EPG5: variants seen among roughly 807,000 people sequenced by gnomAD.
EPG5 encodes ectopic P-granules 5 autophagy tethering factor, also known as ectopic P granules protein 5 homolog.
A neutral mutation model predicts 302.7 loss-of-function variants in EPG5; 159 were observed. The observed-to-expected ratio is 0.53, with a 90% CI of 0.46 to 0.60. The LOEUF is 0.60. Among genes scored for constraint, EPG5 ranks in the 20% least tolerant of loss-of-function variants. The pLI is 0.00. For synonymous variants in EPG5, 1,158 were observed against 1,136.8 expected (o/e 1.02, Z -0.37); for missense variants, 2,896 against 3,092.4 (o/e 0.94, Z 1.51).
chr18:45,840,845 T>C, the EPG5 span: 2 of 152,004 alleles, frequency 1.3e-5, no homozygotes, highest in South Asian at 2.1e-4. Flanking sequence ...GCCACACTGC[T>C]GGTGGCCCCA....
At chr18:45,943,851 G>A (rs1271016415) in intron 8 of EPG5, among the ~76,000 whole-genome samples, 154 bp downstream of exon 8, 1 of 151,978 alleles carries the variant, frequency 6.6e-6, no homozygotes, top group Non-Finnish European at 1.5e-5. Flanking sequence ...AACCTGGGAG[G>A]CAGAGCTTGC....
the EPG5 span, among the ~76,000 whole-genome samples, chr18:45,822,729 G>A: frequency 2.0e-5 from 3 of 152,130 alleles, no homozygotes; most frequent in South Asian, 6.2e-4. Flanking sequence ...ATTTTTAAAA[G>A]AATATCTATT....
chr18:45,913,597 A>G, intron 21 of EPG5, 109 bp downstream of exon 21: 6 of 1,358,110 alleles, frequency 4.4e-6, no homozygotes, highest in Middle Eastern at 3.8e-4. Flanking sequence ...GAGCTTTCCA[A>G]ACATTCACAA....
Position 45,939,729 on chromosome 18 carries a change from T to C in EPG5, c.1970A>G (p.His657Arg), listed in dbSNP as rs1876122568. 3 of 1,613,814 alleles carry C rather than the reference T, an allele frequency of 1.9e-6. No homozygotes were observed. Among genetic ancestry groups the C allele is most frequent in the African/African-American group, 1.3e-5 (1 of 74,926 alleles). ...IRMTLGYVSDHWAQYVSHNQG... is the reference protein window; with the variant it reads ...IRMTLGYVSDRWAQYVSHNQG... ...GTTATGGCTCACATACTGTGCCCAA[T>C]GGTCACTTACATAACCAAGAGTCAT... is the stretch of plus-strand genomic sequence containing the variant. The change falls in exon 10 of 44, where the codon CAT becomes CGT. Residue 657 changes from histidine (H) to arginine (R), a missense_variant. His to Arg is a conservative substitution (Grantham distance 29). Around this residue, in one of 5 missense-constraint regions of EPG5, gnomAD observed 1,390 missense variants for 1,430.0 expected, o/e 0.97. Transcript: ENST00000282041.
Position 45,884,946 on chromosome 18 carries a change from A to C in EPG5, c.5110-135T>G, listed in dbSNP as rs550327418. ...AACAAAAGTCTGAAACAATCAAAAG[A>C]CAGCTAAAATCAACATAGATAAGCC... On this transcript the variant is annotated intron_variant, in intron 29 of 43. Coordinates refer to ENST00000282041, the MANE Select transcript of EPG5 (RefSeq NM_020964.3). The C allele has an allele frequency of 1.0e-5, 6 of 575,120 alleles. No homozygotes were observed. In the African/African-American group the frequency reaches 1.2e-4, roughly 11 times the overall value. The allele number at this position is 575,120 out of a possible 1,614,324, so 35.6% of individuals were successfully genotyped here.
At chr18:45,836,641 G>A in the EPG5 span, among the ~76,000 whole-genome samples, 1 of 152,202 alleles carries the variant, frequency 6.6e-6, no homozygotes, top group East Asian at 1.9e-4. Flanking sequence ...GTTCAGAGGT[G>A]CTTGCACAGA....
intron 12 of EPG5, among the ~76,000 whole-genome samples, chr18:45,929,978 G>GT (rs1325768547): frequency 6.6e-6 from 1 of 152,194 alleles, no homozygotes; most frequent in African/African-American, 2.4e-5. Context: ...GAGATATTTT[G>GT]TATGCAGATA....
At chr18:45,884,906 T>C (rs567992935) in intron 29 of EPG5, 95 bp from the exon 30 acceptor site, 1 of 820,958 alleles carries the variant, frequency 1.2e-6, no homozygotes, top group East Asian at 3.2e-5. Context: ...ATAAGGTGAA[T>C]AGAATTTTTT....
At chr18:45,829,026 G>A in the EPG5 span, 7 of 920,652 alleles carry the variant, frequency 7.6e-6, no homozygotes, top group Non-Finnish European at 9.1e-6. Context: ...GGCGGGAAGG[G>A]GAGGAGTGAA....
rs781036678 is a variant in EPG5, at chr18:45,925,873, A to G, written c.2583T>C (p.Pro861=). The G allele has an allele frequency of 2.5e-5, 38 of 1,527,650 alleles. No homozygotes were observed. The highest frequency in any genetic ancestry group is 3.3e-5 in the Non-Finnish European group (38 of 1,141,012). 94.6% of individuals were successfully genotyped at this position (1,527,650 alleles called of 1,614,324 possible). The stretch of plus-strand genomic sequence containing the variant: ...ATGCAGAAGGTTGCCAAAGATACAA[A>G]GGCAGTTCTTTAAACAAGTATAGAG... ...MVSLYLFKEL[P]LYLWQPSASE... The change falls in exon 14 of 44, where the codon CCT becomes CCC. Residue 861 remains proline (P), a synonymous_variant. Coordinates refer to ENST00000282041, the MANE Select transcript of EPG5 (RefSeq NM_020964.3).
intron 28 of EPG5, 36 bp from the exon 29 acceptor site, chr18:45,887,943 T>G: frequency 1.4e-6 from 2 of 1,456,342 alleles, no homozygotes; most frequent in Non-Finnish European, 1.8e-6. Flanking sequence ...CAGTCTACAG[T>G]AAAAGATTCC....
At chr18:45,948,464 C>G (rs187226264) in intron 6 of EPG5, 39 bp downstream of exon 6, 9 of 1,491,020 alleles carry the variant, frequency 6.0e-6, no homozygotes, top group Admixed American at 5.0e-5. Flanking sequence ...AAGAAAGAAG[C>G]ATTTCAATCT....
the EPG5 span, among the ~76,000 whole-genome samples, chr18:45,806,563 C>T: frequency 6.6e-6 from 1 of 152,040 alleles, no homozygotes; most frequent in Non-Finnish European, 1.5e-5. Flanking sequence ...CCTGAACACA[C>T]CTCCCCACCC....
chr18:45,916,391 T>C (rs1438828565), intron 18 of EPG5, 47 bp downstream of exon 18: 1 of 1,591,742 alleles, frequency 6.3e-7, no homozygotes. Context: ...GAGGTCTTGG[T>C]TGGGAAGACA....
At chr18:45,947,515 G>A (rs2050810849) in intron 6 of EPG5, among the ~76,000 whole-genome samples, 1 of 152,156 alleles carries the variant, frequency 6.6e-6, no homozygotes, top group African/African-American at 2.4e-5. Flanking sequence ...ACGTGCAGGA[G>A]CAGGCCCTTG....
intron 29 of EPG5, 44 bp from the exon 30 acceptor site, chr18:45,884,855 A>G: frequency 7.1e-7 from 1 of 1,403,358 alleles, no homozygotes; most frequent in South Asian, 1.5e-5. Flanking sequence ...TTCTTCCCTC[A>G]CAACCTTTAT....
chr18:45,816,912 T>C, the EPG5 span, among the ~76,000 whole-genome samples: 3 of 152,184 alleles, frequency 2.0e-5, no homozygotes, highest in Non-Finnish European at 4.4e-5. Flanking sequence ...GTGGTATATA[T>C]GTGGTGGAAT....
At chr18:45,925,713 T>C in intron 14 of EPG5, 25 bp downstream of exon 14, 1 of 1,436,294 alleles carries the variant, frequency 7.0e-7, no homozygotes, top group Non-Finnish European at 9.2e-7. Context: ...ACCTCCAGTC[T>C]CCAGGGAATG....
chr18:45,939,207 T>C (rs546194121), intron 10 of EPG5, among the ~76,000 whole-genome samples: 2 of 152,242 alleles, frequency 1.3e-5, no homozygotes, highest in East Asian at 1.9e-4. Flanking sequence ...GGAAGGCAAA[T>C]TGAACAATAA....
Sources: allele counts gnomAD v4.1 joint callset (sites outside exome capture counted in the v4.1 genomes callset), GRCh38; gene constraint gnomAD v4.1.1; regional missense constraint gnomAD v4.1.1; transcripts MANE v1.5; gene names NCBI Gene and HGNC (gene_info 2026-07-23, HGNC 2026-07-21).